SPATA16: variants seen among roughly 807,000 people sequenced by gnomAD.
SPATA16 encodes spermatogenesis associated 16.
Under a neutral mutation model 63.3 loss-of-function variants are expected in SPATA16, and 36 were observed. The observed-to-expected ratio is 0.57, with a 90% confidence interval of 0.44 to 0.75. The LOEUF is 0.75. SPATA16 is among the 30% of genes least tolerant of loss of function. The pLI is 0.00. For missense variants in SPATA16, 646 were observed against 679.3 expected (o/e 0.95, Z 0.54); for synonymous variants, 203 against 216.7 (o/e 0.94, Z 0.56).
intron 4 of SPATA16, among the ~76,000 whole-genome samples, chr3:172,994,835 GC>G (rs1236240021): frequency 6.6e-6 from 1 of 152,040 alleles, no homozygotes; most frequent in African/African-American, 2.4e-5. Flanking sequence ...TATTCTGTGG[GC>G]ATTTTAACTT....
At chr3:173,043,211 T>C (rs1055728361) in intron 3 of SPATA16, among the ~76,000 whole-genome samples, 11 of 152,192 alleles carry the variant, frequency 7.2e-5, no homozygotes, top group African/African-American at 2.6e-4. Flanking sequence ...TGTTTTCCAG[T>C]ATCTCATCTA....
chr3:173,069,697 G>A (rs6770408), intron 2 of SPATA16, among the ~76,000 whole-genome samples: 28,285 of 152,022 alleles, frequency 0.19, 2,977 homozygotes, highest in African/African-American at 0.29. Context: ...GAATACTACA[G>A]GCCAATATCT....
intron 5 of SPATA16, among the ~76,000 whole-genome samples, chr3:172,967,762 G>A (rs565687720): frequency 6.6e-6 from 1 of 152,338 alleles, no homozygotes; most frequent in South Asian, 2.1e-4. Flanking sequence ...GAAGGATCTA[G>A]TTTATGTGCT....
chr3:173,118,474 G>A (rs1737968923), intron 1 of SPATA16, among the ~76,000 whole-genome samples: 1 of 152,122 alleles, frequency 6.6e-6, no homozygotes, highest in Non-Finnish European at 1.5e-5. Flanking sequence ...CTCAAAATAT[G>A]TAACAGTCTT....
chr3:173,038,776 G>A (rs1472898558), intron 3 of SPATA16, among the ~76,000 whole-genome samples: 1 of 152,138 alleles, frequency 6.6e-6, no homozygotes, highest in African/African-American at 2.4e-5. Context: ...GGTCACTTGA[G>A]GTGTTTGAAA....
At chr3:172,926,427 C>T (rs1314203543) in intron 6 of SPATA16, among the ~76,000 whole-genome samples, 1 of 152,140 alleles carries the variant, frequency 6.6e-6, no homozygotes, top group African/African-American at 2.4e-5. Context: ...GTTTTGTGTG[C>T]ACTGTTCTTT....
At chr3:173,068,641 A>T (rs1306280813) in intron 2 of SPATA16, among the ~76,000 whole-genome samples, 1 of 152,166 alleles carries the variant, frequency 6.6e-6, no homozygotes, top group Non-Finnish European at 1.5e-5. Flanking sequence ...CTTGAAACAA[A>T]TGAAAATGGA....
At chr3:172,947,110 G>A (rs552758255) in intron 6 of SPATA16, among the ~76,000 whole-genome samples, 21 of 152,306 alleles carry the variant, frequency 1.4e-4, no homozygotes, top group African/African-American at 5.1e-4. Flanking sequence ...TACCTCTAAT[G>A]AGTCTGCCAG....
chr3:173,025,263 T>C (rs1419441234), intron 3 of SPATA16, among the ~76,000 whole-genome samples: 3 of 151,806 alleles, frequency 2.0e-5, no homozygotes, highest in Non-Finnish European at 3.0e-5. Flanking sequence ...TTTTTAATGA[T>C]TTAAATAAAA....
In SPATA16 at chr3:172,925,374, T is replaced by C. The variant is rs1577091600; in HGVS notation, c.1200A>G (p.Ile400Met). Residue 400 changes from isoleucine (I) to methionine (M), a missense_variant, in exon 7 of 11, where the codon ATA becomes ATG. Transcript: ENST00000351008. ...NKDDGKFLEK[I>M]SSRKLPIFTE... ...TGAATATCGGCAGCTTCCTGCTTGA[T>C]ATTTTTTCCAAAAATTTTCCATCAT... 2 of 1,614,046 alleles carry C rather than the reference T, an allele frequency of 1.2e-6. No individual in the cohort carries two copies. Among genetic ancestry groups the C allele is most frequent in the South Asian group, 1.1e-5 (1 of 91,074 alleles).
Position 173,088,074 on chromosome 3 carries a change from CTTT to C in SPATA16, c.612+29043_612+29045del, listed in dbSNP as rs1560118979. On this transcript the variant is annotated intron_variant, in intron 2 of 10. Transcript: ENST00000351008. The stretch of plus-strand genomic sequence containing the variant: ...TCTTTCTTTCTTTCTTTCTTTCTTT[CTTT>C]CTGTCTTTTCTTTTTTTTTTTTTTT... Among the ~76,000 whole-genome samples the C allele has an allele frequency of 8.6e-5, 8 of 93,382 alleles. No homozygotes were observed. The East Asian group carries it at 2.5e-3, about 29-fold the overall frequency. The allele number at this position is 93,382 out of a possible 152,430, so 61.3% of individuals were successfully genotyped here.
intron 3 of SPATA16, among the ~76,000 whole-genome samples, chr3:173,030,365 C>T (rs1735576917): frequency 6.6e-6 from 1 of 151,930 alleles, no homozygotes; most frequent in African/African-American, 2.4e-5. Flanking sequence ...ATATAAGAAA[C>T]TTCTTTGAGT....
At chr3:173,113,235 A>G (rs1479463622) in intron 2 of SPATA16, among the ~76,000 whole-genome samples, 1 of 152,210 alleles carries the variant, frequency 6.6e-6, no homozygotes, top group African/African-American at 2.4e-5. Flanking sequence ...AATTGCAGGG[A>G]ATAGTATCTA....
intron 8 of SPATA16, among the ~76,000 whole-genome samples, chr3:172,917,993 G>T (rs1299445234): frequency 6.6e-6 from 1 of 152,178 alleles, no homozygotes; most frequent in Admixed American, 6.5e-5. Context: ...GCTGTTCAGT[G>T]AATGTCTTCT....
At chr3:172,942,088 C>A (rs1262094056) in intron 6 of SPATA16, among the ~76,000 whole-genome samples, 1 of 151,982 alleles carries the variant, frequency 6.6e-6, no homozygotes, top group Non-Finnish European at 1.5e-5. Context: ...GCAGAAATAA[C>A]CAAACATAAC....
At chr3:172,924,740 G>A (rs149375814) in intron 7 of SPATA16, among the ~76,000 whole-genome samples, 2,889 of 152,298 alleles carry the variant, frequency 0.019, 28 homozygotes, top group Middle Eastern at 0.058. Flanking sequence ...AGAGGATACA[G>A]TGCCAGACAA....
chr3:173,018,888 G>A (rs1314279987), intron 4 of SPATA16, among the ~76,000 whole-genome samples: 1 of 152,150 alleles, frequency 6.6e-6, no homozygotes, highest in Non-Finnish European at 1.5e-5. Context: ...AAAAGCCTGG[G>A]TTGTCACAGG....
At chr3:173,042,987 T>C (rs776413754) in intron 3 of SPATA16, among the ~76,000 whole-genome samples, 2 of 152,104 alleles carry the variant, frequency 1.3e-5, no homozygotes, top group African/African-American at 4.8e-5. Context: ...ACAGCAAAAT[T>C]AAGCATTAAA....
chr3:173,117,453 A>G lies in SPATA16; in HGVS notation c.279T>C (p.Thr93=). Residue 93 remains threonine, a synonymous_variant, in exon 2 of 11, where the codon ACT becomes ACC. Coordinates refer to ENST00000351008, the MANE Select transcript of SPATA16 (RefSeq NM_031955.6). ...CTGTTATCTTTGCCTGTTTCTTTCTAGTTGGCTTTTCTTCACCTTCTGCCT... is the reference window on the plus strand; with the variant it reads ...CTGTTATCTTTGCCTGTTTCTTTCTGGTTGGCTTTTCTTCACCTTCTGCCT... The part of the protein sequence containing the change: ...KRKAEGEEKP[T]RKKQAKITEL... 1.2e-6 allele frequency: 2 copies of G among 1,614,058 alleles called. No individual in the cohort carries two copies. The highest frequency in any genetic ancestry group is 2.2e-5 in the South Asian group (2 of 91,064).
Sources: allele counts gnomAD v4.1 joint callset (sites outside exome capture counted in the v4.1 genomes callset), GRCh38; gene constraint gnomAD v4.1.1; transcripts MANE v1.5; gene names NCBI Gene and HGNC (gene_info 2026-07-23, HGNC 2026-07-21).